Variants in ARMH1 observed in about 807,000 individuals in gnomAD.
The protein encoded by ARMH1 is armadillo-like helical domain containing protein 1.
Under a neutral mutation model 50.2 loss-of-function variants are expected in ARMH1, and 34 were observed. The observed-to-expected ratio is 0.68, with a 90% CI of 0.51 to 0.90. ARMH1 has a LOEUF of 0.90. ARMH1 is among the 40% of genes least tolerant of loss of function. ARMH1 has a pLI of 0.00. For synonymous variants in ARMH1, 221 were observed against 224.2 expected, an observed-to-expected ratio of 0.99 and a Z score of 0.13; for missense variants, 538 against 553.9, an observed-to-expected ratio of 0.97 and a Z score of 0.29.
chr1:44,689,932 A>T, intron 2 of ARMH1, 29 bp downstream of exon 2: 1 of 1,534,100 alleles, frequency 6.5e-7, no homozygotes, highest in South Asian at 1.2e-5. Flanking sequence ...AAAAAAAAAA[A>T]TTAGGCACCG....
rs931909502 is a variant in ARMH1, at chr1:44,707,635, T to C, written c.724+3462T>C. ...TGGGGTCTCCCTATGTTGCCCAGGC[T>C]GCCCTCAAACTCCTGGGCTCAAGTG... On this transcript the variant is annotated intron_variant, in intron 6 of 11. Transcript: ENST00000535358. Among the ~76,000 whole-genome samples, 31 of 152,190 alleles carry C rather than the reference T, an allele frequency of 2.0e-4. 1 individual carries two copies. The highest frequency in any genetic ancestry group is 4.1e-4 in the South Asian group (2 of 4,830).
chr1:44,675,008 C>T (rs2148546894), intron 1 of ARMH1, 135 bp downstream of exon 1: 1 of 152,422 alleles, frequency 6.6e-6, no homozygotes. Context: ...CAGTTGATGA[C>T]TTTAGAGAAT....
chr1:44,680,220 A>G (rs2148567836), intron 1 of ARMH1, among the ~76,000 whole-genome samples: 1 of 152,322 alleles, frequency 6.6e-6, no homozygotes, highest in Admixed American at 6.5e-5. Flanking sequence ...TCTGTCACCC[A>G]GGCTGGAGTT....
At position 44,689,538 on chromosome 1, in the gene ARMH1, C is replaced by G. The variant is rs3795711; in HGVS notation, c.-22-138C>G. On this transcript the variant is annotated intron_variant, in intron 1 of 11. Transcript: ENST00000535358. ...CTGTTCAAGCAGCAGGTGACCAGTT[C>G]TAGAGTATATTTTGCGCATAACTAC... 4.9e-5 allele frequency: 33 copies of G among 666,794 alleles called. No homozygotes were observed. In the East Asian group the frequency reaches 9.1e-4, roughly 18 times the overall value. The allele number at this position is 666,794 out of a possible 1,614,324, so 41.3% of individuals were successfully genotyped here.
At chr1:44,717,951 G>A (rs188173964) in intron 6 of ARMH1, among the ~76,000 whole-genome samples, 1 of 152,324 alleles carries the variant, frequency 6.6e-6, no homozygotes, top group Non-Finnish European at 1.5e-5. Flanking sequence ...TGACAGCTGT[G>A]AATTTTAAAA....
chr1:44,701,118 A>G lies in ARMH1; in HGVS notation c.638A>G (p.Gln213Arg), dbSNP rs550874286. ...QLSLQTLRTA[Q>R]PIIGTTHPSI... ...TCCCTGCAGACTCTCAGGACTGCCC[A>G]GGTGAGCCAAGGCTGCATGCTCCTG... The change falls in exon 5 of 12, where the codon CAG becomes CGG. Residue 213 changes from glutamine (Q) to arginine (R), a missense_variant and splice_region_variant. Coordinates refer to ENST00000535358, the MANE Select transcript of ARMH1 (RefSeq NM_001145636.2). The G allele has an allele frequency of 2.5e-5, 39 of 1,545,924 alleles. No homozygotes were observed. The South Asian group carries it at 3.6e-4, about 14-fold the overall frequency.
intron 2 of ARMH1, among the ~76,000 whole-genome samples, chr1:44,692,020 T>C (rs1207427518): frequency 1.3e-5 from 2 of 152,232 alleles, no homozygotes; most frequent in Non-Finnish European, 2.9e-5. Flanking sequence ...TGTGTGCCCA[T>C]AGCACTCTAC....
At chr1:44,714,039 G>C (rs1421432611) in intron 6 of ARMH1, among the ~76,000 whole-genome samples, 2 of 152,140 alleles carry the variant, frequency 1.3e-5, no homozygotes, top group Admixed American at 6.6e-5. Context: ...ACTTTGGGAG[G>C]CCGGCGGATC....
chr1:44,703,560 T>TAAAAAA, intron 5 of ARMH1, among the ~76,000 whole-genome samples: 1 of 107,032 alleles, frequency 9.3e-6, no homozygotes, highest in South Asian at 3.4e-4. Context: ...CCGTCTCTAC[T>TAAAAAA]AAAAAAAAAA....
chr1:44,709,872 G>A (rs371789223), intron 6 of ARMH1, among the ~76,000 whole-genome samples: 10 of 152,116 alleles, frequency 6.6e-5, no homozygotes, highest in African/African-American at 2.2e-4. Flanking sequence ...TAACAAATAC[G>A]TATAAGAATC....
chr1:44,699,241 G>A (rs1490690543), intron 4 of ARMH1, among the ~76,000 whole-genome samples: 5 of 135,858 alleles, frequency 3.7e-5, no homozygotes, highest in East Asian at 2.2e-4. Flanking sequence ...CCGAGATCGC[G>A]CCACTGCACT....
At chr1:44,719,896 C>T (rs1364722698) in intron 6 of ARMH1, among the ~76,000 whole-genome samples, 1 of 152,154 alleles carries the variant, frequency 6.6e-6, no homozygotes, top group Non-Finnish European at 1.5e-5. Flanking sequence ...TCAAAGCACT[C>T]TCAAAGTTGG....
intron 6 of ARMH1, among the ~76,000 whole-genome samples, chr1:44,709,313 A>G (rs1189593525): frequency 2.3e-4 from 35 of 151,456 alleles, no homozygotes; most frequent in Non-Finnish European, 1.3e-4. Context: ...TCCCATGTGG[A>G]TGTCTAACAG....
At chr1:44,691,768 C>G (rs1421253970) in intron 2 of ARMH1, among the ~76,000 whole-genome samples, 1 of 152,202 alleles carries the variant, frequency 6.6e-6, no homozygotes, top group African/African-American at 2.4e-5. Context: ...CATCTTCACT[C>G]ATATGCCACA....
rs745504241 is a variant in ARMH1 at position 44,689,907 on chromosome 1, T to C, written c.206+4T>C. 1 of 1,549,076 alleles carries C rather than the reference T, an allele frequency of 6.5e-7. No individual in the cohort carries two copies. Among genetic ancestry groups the C allele is most frequent in the South Asian group, 1.2e-5 (1 of 83,944 alleles). On this transcript the variant is annotated splice_donor_region_variant and intron_variant, in intron 2 of 11. Coordinates refer to ENST00000535358, the MANE Select transcript of ARMH1 (RefSeq NM_001145636.2). ...TGACCACCTCGCTTAGAATCACGTA[T>C]CCTTTACTGAACAGAAAAAAAAAAA... is the stretch of plus-strand genomic sequence containing the variant.
chr1:44,679,371 ATCT>A (rs1645236076), intron 1 of ARMH1, among the ~76,000 whole-genome samples: 1 of 152,214 alleles, frequency 6.6e-6, no homozygotes, highest in Non-Finnish European at 1.5e-5. Context: ...TATAAATTAA[ATCT>A]TCTTTTCCAA....
chr1:44,725,566 G>A lies in ARMH1; in HGVS notation c.*163G>A, dbSNP rs1247294060. The A allele has an allele frequency of 5.9e-6, 4 of 683,548 alleles. No homozygotes were observed. In the African/African-American group the frequency reaches 7.2e-5, roughly 12 times the overall value. 42.3% of individuals were successfully genotyped at this position (683,548 alleles called of 1,614,324 possible). ...GAGGAAGAGCCGCTGGCTGCGAAGAGTCAATAAACAGCCTTGATACCTGTC... is the reference window on the plus strand; with the variant it reads ...GAGGAAGAGCCGCTGGCTGCGAAGAATCAATAAACAGCCTTGATACCTGTC... On this transcript the variant is annotated 3_prime_UTR_variant, in exon 12 of 12. Transcript: ENST00000535358.
At chr1:44,703,188 C>A (rs1304718366) in intron 5 of ARMH1, among the ~76,000 whole-genome samples, 2 of 152,172 alleles carry the variant, frequency 1.3e-5, no homozygotes, top group Non-Finnish European at 2.9e-5. Flanking sequence ...ATTTTAGGAT[C>A]TTGAATGAGT....
At chr1:44,723,938 C>G (rs1361112616) in intron 6 of ARMH1, 184 bp from the exon 7 acceptor site, 6 of 697,614 alleles carry the variant, frequency 8.6e-6, no homozygotes, top group Non-Finnish European at 1.1e-5. Flanking sequence ...TCCTCCTCCC[C>G]CTTCAGCCCC....
Sources: allele counts gnomAD v4.1 joint callset (sites outside exome capture counted in the v4.1 genomes callset), GRCh38; gene constraint gnomAD v4.1.1; transcripts MANE v1.5; gene names NCBI Gene and HGNC (gene_info 2026-07-23, HGNC 2026-07-21).